GPATCH2: variants seen among roughly 807,000 people sequenced by gnomAD.
GPATCH2 encodes G patch domain-containing protein 2.
A neutral mutation model predicts 58.0 loss-of-function variants in GPATCH2; 51 were observed. That is an observed-to-expected ratio of 0.88 (90% CI 0.70 to 1.11). The LOEUF (loss-of-function observed/expected upper bound fraction) is 1.11, where lower values mean the gene tolerates loss of function less well. GPATCH2 is among the 50% of genes most tolerant of loss of function. The probability of loss-of-function intolerance (pLI) is 0.00; values close to 1 mark genes in which losing one functional copy is unlikely to be tolerated. For synonymous variants in GPATCH2, 222 were observed against 218.5 expected (o/e 1.02, Z -0.14); for missense variants, 625 against 652.2 (o/e 0.96, Z 0.45).
chr1:217,486,001 T>C (rs1210012390), intron 8 of GPATCH2, among the ~76,000 whole-genome samples: 2 of 152,194 alleles, frequency 1.3e-5, no homozygotes, highest in Non-Finnish European at 2.9e-5. Flanking sequence ...TTGTTGAAAG[T>C]TGTTTGGGCT....
At chr1:217,452,218 C>T (rs1171759600) in intron 8 of GPATCH2, among the ~76,000 whole-genome samples, 6 of 152,182 alleles carry the variant, frequency 3.9e-5, no homozygotes, top group Non-Finnish European at 8.8e-5. Flanking sequence ...CAGACACTCA[C>T]TTCCTCATCT....
chr1:217,610,471 A>T, intron 4 of GPATCH2, 71 bp from the exon 5 acceptor site: 1 of 857,106 alleles, frequency 1.2e-6, no homozygotes, highest in Non-Finnish European at 1.9e-6. Context: ...AGAGGATCCT[A>T]TCAATAGAGA....
intron 5 of GPATCH2, among the ~76,000 whole-genome samples, chr1:217,584,761 A>G (rs547164594): frequency 2.0e-5 from 3 of 152,260 alleles, no homozygotes; most frequent in African/African-American, 2.4e-5. Context: ...AGGAAAAAAA[A>G]CTTTTAAAAT....
chr1:217,528,682 G>C (rs1308050824), intron 5 of GPATCH2, among the ~76,000 whole-genome samples: 3 of 152,176 alleles, frequency 2.0e-5, no homozygotes, highest in Admixed American at 2.0e-4. Flanking sequence ...TGCCACATTT[G>C]AACTGGCACC....
At chr1:217,489,015 G>T (rs1201324451) in intron 8 of GPATCH2, among the ~76,000 whole-genome samples, 1 of 151,684 alleles carries the variant, frequency 6.6e-6, no homozygotes, top group Non-Finnish European at 1.5e-5. Flanking sequence ...TGATCTGTGT[G>T]TGTGTGTTTA....
intron 3 of GPATCH2, among the ~76,000 whole-genome samples, chr1:217,612,314 C>T (rs1456677159): frequency 3.3e-5 from 5 of 152,130 alleles, no homozygotes; most frequent in East Asian, 1.9e-4. Context: ...CTAAGAGGGT[C>T]GTTGTAATTG....
intron 9 of GPATCH2, among the ~76,000 whole-genome samples, chr1:217,443,150 G>T (rs371584132): frequency 6.6e-6 from 1 of 151,942 alleles, no homozygotes; most frequent in Non-Finnish European, 1.5e-5. Flanking sequence ...TTTAGTACAC[G>T]CTCAACAATT....
intron 5 of GPATCH2, among the ~76,000 whole-genome samples, chr1:217,524,714 A>C (rs1190446533): frequency 1.3e-5 from 2 of 150,716 alleles, no homozygotes; most frequent in African/African-American, 4.9e-5. Flanking sequence ...TACGAAAACC[A>C]GTCAGGCGTG....
At chr1:217,487,421 A>G (rs1661503419) in intron 8 of GPATCH2, among the ~76,000 whole-genome samples, 1 of 146,020 alleles carries the variant, frequency 6.8e-6, no homozygotes, top group Admixed American at 6.8e-5. Context: ...TTGGAAGAGT[A>G]CTTCTTTTTT....
intron 5 of GPATCH2, among the ~76,000 whole-genome samples, chr1:217,573,634 AAGAC>A (rs1666669248): frequency 6.6e-6 from 1 of 152,202 alleles, no homozygotes; most frequent in African/African-American, 2.4e-5. Context: ...TAAACAGAAA[AAGAC>A]AGAGCTGACA....
At chr1:217,501,923 G>C (rs1662325287) in intron 6 of GPATCH2, among the ~76,000 whole-genome samples, 1 of 151,902 alleles carries the variant, frequency 6.6e-6, no homozygotes, top group Non-Finnish European at 1.5e-5. Context: ...TCTTTCAAAG[G>C]AAATTTTCCA....
Position 217,458,900 on chromosome 1 carries a change from T to A in GPATCH2, c.1278-9563A>T, listed in dbSNP as rs527369609. 2.6e-5 allele frequency among the ~76,000 whole-genome samples: 4 copies of A among 152,320 alleles called. No individual in the cohort carries two copies. The South Asian group carries it at 8.3e-4, about 32-fold the overall frequency. Reference sequence around the variant, plus strand: ...ATATCTTACCATACAGTATATAGTATTTGCCTCAAGTTGTTTTAAGATTAG... The same window carrying A: ...ATATCTTACCATACAGTATATAGTAATTGCCTCAAGTTGTTTTAAGATTAG... On this transcript the variant is annotated intron_variant, in intron 8 of 9. Transcript: ENST00000366935.
At chr1:217,580,269 C>T (rs1336326196) in intron 5 of GPATCH2, among the ~76,000 whole-genome samples, 2 of 152,030 alleles carry the variant, frequency 1.3e-5, no homozygotes, top group Admixed American at 1.3e-4. Context: ...GTCCTCACTC[C>T]CCGACCTTCC....
chr1:217,607,697 C>T (rs1558520856), intron 5 of GPATCH2, among the ~76,000 whole-genome samples: 1 of 152,148 alleles, frequency 6.6e-6, no homozygotes, highest in Non-Finnish European at 1.5e-5. Context: ...TTCAGTATTC[C>T]CTAATTCAAT....
At chr1:217,619,381 G>T (rs1334153852) in intron 2 of GPATCH2, among the ~76,000 whole-genome samples, 1 of 152,112 alleles carries the variant, frequency 6.6e-6, no homozygotes, top group Admixed American at 6.5e-5. Context: ...AACTTTTGAT[G>T]TTCAAGAATC....
intron 5 of GPATCH2, among the ~76,000 whole-genome samples, chr1:217,524,927 GGGAGAGGGGAGA>G (rs1663800184): frequency 4.9e-5 from 1 of 20,490 alleles, no homozygotes; most frequent in African/African-American, 1.4e-4. Flanking sequence ...GGGGGGAGAG[GGGAGAGGGGAGA>G]GGGAGATTTC....
chr1:217,614,774 C>CA (rs11475032), intron 2 of GPATCH2, among the ~76,000 whole-genome samples: 1,115 of 92,014 alleles, frequency 0.012, 15 homozygotes, highest in African/African-American at 0.034. Flanking sequence ...CACTTTTAAG[C>CA]AAAAAAAAAA....
At chr1:217,443,553 A>G (rs1659246980) in intron 9 of GPATCH2, among the ~76,000 whole-genome samples, 1 of 152,156 alleles carries the variant, frequency 6.6e-6, no homozygotes, top group Non-Finnish European at 1.5e-5. Context: ...TTCAATATGA[A>G]AATTCATGTT....
chr1:217,461,859 T>A (rs997495683), intron 8 of GPATCH2, among the ~76,000 whole-genome samples: 6 of 152,178 alleles, frequency 3.9e-5, no homozygotes, highest in African/African-American at 1.4e-4. Context: ...TCCTCCCTGA[T>A]AGTTTTTGGT....
Sources: allele counts gnomAD v4.1 joint callset (sites outside exome capture counted in the v4.1 genomes callset), GRCh38; gene constraint gnomAD v4.1.1; transcripts MANE v1.5; gene names NCBI Gene and HGNC (gene_info 2026-07-23, HGNC 2026-07-21).